Variants in RANBP2 observed in about 807,000 individuals in gnomAD.
RANBP2 encodes RAN binding protein 2, also known as E3 SUMO-protein ligase RanBP2.
RANBP2 carries 57 observed loss-of-function variants against 303.6 expected under a neutral mutation model. The observed-to-expected ratio is 0.19, with a 90% CI of 0.15 to 0.23. The LOEUF (loss-of-function observed/expected upper bound fraction) is 0.23. RANBP2 is among the 10% of genes least tolerant of loss of function. The pLI is 1.00. For missense variants in RANBP2, 3,138 were observed against 3,780.8 expected, an observed-to-expected ratio of 0.83 and a Z score of 4.46; for synonymous variants, 1,167 against 1,301.5, an observed-to-expected ratio of 0.90 and a Z score of 2.23.
At chr2:109,610,027 T>A in the RANBP2 span, among the ~76,000 whole-genome samples, 1 of 151,690 alleles carries the variant, frequency 6.6e-6, no homozygotes, top group Non-Finnish European at 1.5e-5. Context: ...AGGGACAATA[T>A]GACACAGAGC....
At chr2:109,099,394 C>T in the RANBP2 span, among the ~76,000 whole-genome samples, 1 of 152,098 alleles carries the variant, frequency 6.6e-6, no homozygotes, top group Non-Finnish European at 1.5e-5. Flanking sequence ...GGTCTCTTAG[C>T]AGAGGGAATG....
chr2:109,297,902 A>G, the RANBP2 span, among the ~76,000 whole-genome samples: 28 of 149,506 alleles, frequency 1.9e-4, no homozygotes, highest in African/African-American at 5.9e-4. Context: ...GCCCACAACC[A>G]TGTCAATGCT....
chr2:109,724,606 G>A, the RANBP2 span, among the ~76,000 whole-genome samples: 1 of 152,152 alleles, frequency 6.6e-6, no homozygotes, highest in African/African-American at 2.4e-5. Flanking sequence ...CAAACCCCAA[G>A]GGTGCGCCTT....
the RANBP2 span, among the ~76,000 whole-genome samples, chr2:108,844,099 C>T: frequency 2.0e-5 from 3 of 151,606 alleles, no homozygotes; most frequent in East Asian, 1.9e-4. Context: ...CAGGCTCAAG[C>T]GATCTTCCAT....
the RANBP2 span, among the ~76,000 whole-genome samples, chr2:109,707,945 G>C: frequency 6.6e-6 from 1 of 152,356 alleles, no homozygotes; most frequent in East Asian, 1.9e-4. Context: ...GGCATAGAGG[G>C]TGTGGCCTGG....
At chr2:108,777,045 T>C in intron 24 of RANBP2, 85 bp from the exon 25 acceptor site, 1 of 1,141,062 alleles carries the variant, frequency 8.8e-7, no homozygotes. Context: ...TATACAAGTC[T>C]CTACTGTTCT....
chr2:109,637,051 G>A, the RANBP2 span, among the ~76,000 whole-genome samples: 2 of 152,162 alleles, frequency 1.3e-5, no homozygotes, highest in Non-Finnish European at 2.9e-5. Context: ...CAGTAAAAAG[G>A]AATGTAGTAG....
chr2:109,217,501 A>G, the RANBP2 span, among the ~76,000 whole-genome samples: 2 of 152,230 alleles, frequency 1.3e-5, no homozygotes, highest in South Asian at 2.1e-4. Flanking sequence ...AGTAATAGGA[A>G]GAAGTCATCC....
At chr2:109,478,843 T>C in the RANBP2 span, among the ~76,000 whole-genome samples, 1 of 152,142 alleles carries the variant, frequency 6.6e-6, no homozygotes, top group African/African-American at 2.4e-5. Context: ...GCATAACAAA[T>C]CATCTCAAAA....
chr2:109,542,564 T>C, the RANBP2 span, among the ~76,000 whole-genome samples: 6 of 152,228 alleles, frequency 3.9e-5, no homozygotes, highest in Admixed American at 6.5e-5. Context: ...CGAGCCCATC[T>C]GTGAACAGTC....
the RANBP2 span, among the ~76,000 whole-genome samples, chr2:108,870,629 C>CG: frequency 1.3e-5 from 2 of 152,136 alleles, no homozygotes; most frequent in South Asian, 4.1e-4. Flanking sequence ...TATGTACATA[C>CG]GGTAGACTAT....
At chr2:108,761,546 G>T (rs1244046680) in intron 18 of RANBP2, among the ~76,000 whole-genome samples, 1 of 152,144 alleles carries the variant, frequency 6.6e-6, no homozygotes, top group African/African-American at 2.4e-5. Context: ...TTGTACATCA[G>T]CATGAGTGTT....
chr2:108,781,168 A>G (rs1464147589), intron 25 of RANBP2, 101 bp from the exon 26 acceptor site: 34 of 1,135,474 alleles, frequency 3.0e-5, no homozygotes, highest in Admixed American at 9.2e-5. Flanking sequence ...ATTGATGTAC[A>G]TATTACATCA....
At chr2:109,042,696 T>C in the RANBP2 span, among the ~76,000 whole-genome samples, 3 of 152,222 alleles carry the variant, frequency 2.0e-5, no homozygotes, top group East Asian at 5.8e-4. Context: ...TTATTGTATT[T>C]TCTGGATGTC....
the RANBP2 span, among the ~76,000 whole-genome samples, chr2:108,888,996 G>A: frequency 3.3e-5 from 5 of 151,388 alleles, no homozygotes; most frequent in African/African-American, 1.2e-4. Context: ...TTGCTTTATT[G>A]TTTCTTCATT....
At chr2:109,325,481 C>T in the RANBP2 span, among the ~76,000 whole-genome samples, 3 of 151,804 alleles carry the variant, frequency 2.0e-5, no homozygotes, top group Admixed American at 1.3e-4. Context: ...GATGGGACTA[C>T]AGGCATGTGC....
the RANBP2 span, among the ~76,000 whole-genome samples, chr2:109,126,171 G>A: frequency 3.9e-5 from 6 of 152,198 alleles, no homozygotes; most frequent in East Asian, 1.9e-4. Flanking sequence ...ACCCTGCTTC[G>A]TTAATTTCAT....
chr2:109,214,554 T>C, the RANBP2 span, among the ~76,000 whole-genome samples: 5 of 151,126 alleles, frequency 3.3e-5, no homozygotes, highest in East Asian at 9.7e-4. Context: ...AGAAATTTCA[T>C]TGACATGAAA....
At chr2:109,252,715 T>C in the RANBP2 span, among the ~76,000 whole-genome samples, 1 of 152,252 alleles carries the variant, frequency 6.6e-6, no homozygotes, top group African/African-American at 2.4e-5. Context: ...CAGAACAATA[T>C]ACATTAGGCT....
Sources: allele counts gnomAD v4.1 joint callset (sites outside exome capture counted in the v4.1 genomes callset), GRCh38; gene constraint gnomAD v4.1.1; transcripts MANE v1.5; gene names NCBI Gene and HGNC (gene_info 2026-07-23, HGNC 2026-07-21).